PEAK1: variants seen among roughly 807,000 people sequenced by gnomAD.
PEAK1 encodes the protein pseudopodium enriched atypical kinase 1, also known as inactive tyrosine-protein kinase PEAK1.
PEAK1 carries 54 observed loss-of-function variants against 124.7 expected under a neutral mutation model. That is an observed-to-expected ratio of 0.43 (90% CI 0.35 to 0.54). PEAK1 has a LOEUF of 0.54. Ranked by LOEUF, PEAK1 falls within the 20% of genes least tolerant of loss-of-function variation. PEAK1 has a pLI of 0.01. For synonymous variants in PEAK1, 719 were observed against 760.0 expected (o/e 0.95, Z 0.89); for missense variants, 2,046 against 2,134.5 (o/e 0.96, Z 0.82).
rs1052268903 is a variant in PEAK1 at position 77,312,054 on chromosome 15, C to T, written c.-602-25550G>A. ...AAATTTATGACAGTCATAATTAGTG[C>T]AGGAGTAAAGGAAATAAAGAAAACG... is the stretch of plus-strand genomic sequence containing the variant. On this transcript the variant is annotated intron_variant, in intron 2 of 9. Transcript: ENST00000682557. Among the ~76,000 whole-genome samples, 3 of 151,834 alleles carry T rather than the reference C, an allele frequency of 2.0e-5. No individual in the cohort carries two copies. The East Asian group carries it at 5.8e-4, about 29-fold the overall frequency.
At chr15:77,307,340 T>C (rs562016053) in intron 2 of PEAK1, among the ~76,000 whole-genome samples, 105 of 152,230 alleles carry the variant, frequency 6.9e-4, no homozygotes, top group African/African-American at 2.5e-3. Flanking sequence ...TCTAAACTTC[T>C]AATGCTGACA....
chr15:77,330,249 G>A (rs1013514789), intron 2 of PEAK1, among the ~76,000 whole-genome samples: 1 of 152,074 alleles, frequency 6.6e-6, no homozygotes, highest in Non-Finnish European at 1.5e-5. Context: ...GGCTTTGTGG[G>A]CAAGAGTTGT....
intron 2 of PEAK1, among the ~76,000 whole-genome samples, chr15:77,344,424 A>G (rs2066745055): frequency 3.3e-5 from 5 of 152,138 alleles, no homozygotes; most frequent in Admixed American, 3.3e-4. Flanking sequence ...TGGTTTATAT[A>G]TCTGTCTTTA....
At chr15:77,329,776 T>C (rs1284413486) in intron 2 of PEAK1, among the ~76,000 whole-genome samples, 1 of 152,090 alleles carries the variant, frequency 6.6e-6, no homozygotes, top group East Asian at 1.9e-4. Context: ...TAAGAAAAAA[T>C]TGTTCCTTAT....
intron 1 of PEAK1, among the ~76,000 whole-genome samples, chr15:77,392,989 C>A (rs1211496199): frequency 1.3e-5 from 2 of 152,180 alleles, no homozygotes; most frequent in Non-Finnish European, 2.9e-5. Context: ...GCTTGTGGGA[C>A]TTTCCATTGG....
chr15:77,177,597 A>G (rs1298446929), intron 7 of PEAK1, among the ~76,000 whole-genome samples: 1 of 152,048 alleles, frequency 6.6e-6, no homozygotes, highest in African/African-American at 2.4e-5. Context: ...CTATGTTTGT[A>G]AGAAAGAAGG....
intron 2 of PEAK1, chr15:77,346,234 C>CAAT (rs1393444136): frequency 1.1e-6 from 1 of 923,204 alleles, no homozygotes; most frequent in African/African-American, 1.8e-5. Flanking sequence ...GCCACAGTTT[C>CAAT]AATGTCATCT....
chr15:77,345,791 C>T (rs1220567770), intron 2 of PEAK1: 1 of 517,432 alleles, frequency 1.9e-6, no homozygotes, highest in African/African-American at 2.1e-5. Context: ...TGATGGATAT[C>T]CCAATTACCC....
chr15:77,296,851 T>C (rs1255200200), intron 2 of PEAK1, among the ~76,000 whole-genome samples: 1 of 151,272 alleles, frequency 6.6e-6, no homozygotes. Context: ...GAAAGGGATA[T>C]AGGGAGAGAA....
intron 2 of PEAK1, among the ~76,000 whole-genome samples, chr15:77,303,038 T>A (rs1418249549): frequency 6.6e-6 from 1 of 152,198 alleles, no homozygotes; most frequent in African/African-American, 2.4e-5. Flanking sequence ...TTCAGGCTGA[T>A]CTCTCTAACT....
intron 1 of PEAK1, among the ~76,000 whole-genome samples, chr15:77,373,426 G>T (rs1010311760): frequency 2.0e-5 from 3 of 152,072 alleles, no homozygotes; most frequent in Admixed American, 2.0e-4. Context: ...CTCTCTACAG[G>T]CAATGACTGA....
chr15:77,379,293 GGAACCT>G (rs1380058132), intron 1 of PEAK1, among the ~76,000 whole-genome samples: 2 of 152,154 alleles, frequency 1.3e-5, no homozygotes, highest in Non-Finnish European at 2.9e-5. Flanking sequence ...CCTTCTAAGA[GGAACCT>G]GAATTAGCAT....
chr15:77,277,679 T>C (rs1191091333), intron 5 of PEAK1, among the ~76,000 whole-genome samples: 1 of 152,162 alleles, frequency 6.6e-6, no homozygotes, highest in East Asian at 1.9e-4. Context: ...TAAGTAAATA[T>C]TTTTGTTCTA....
At chr15:77,314,236 C>T (rs987425080) in intron 2 of PEAK1, among the ~76,000 whole-genome samples, 1 of 151,910 alleles carries the variant, frequency 6.6e-6, no homozygotes, top group African/African-American at 2.4e-5. Context: ...TTGAACCCTG[C>T]CACATTTAGT....
rs1016616006 is a variant in PEAK1, at chr15:77,198,447, G to A, written c.-114-16407C>T. On this transcript the variant is annotated intron_variant, in intron 6 of 9. Coordinates refer to ENST00000682557, the MANE Select transcript of PEAK1 (RefSeq NM_001385026.1). ...AGTTATGACACTTTAAGAAAAAGCT[G>A]AATTGCTTGTTATGTACTGTAGTTT... Among the ~76,000 whole-genome samples, 10 of 152,130 alleles carry A rather than the reference G, an allele frequency of 6.6e-5. No homozygotes were observed. In the East Asian group the frequency reaches 1.7e-3, roughly 26 times the overall value.
At chr15:77,134,677 T>C (rs1008397509) in intron 8 of PEAK1, among the ~76,000 whole-genome samples, 34 of 152,142 alleles carry the variant, frequency 2.2e-4, no homozygotes, top group African/African-American at 7.2e-4. Context: ...GACAGAAAAA[T>C]ATACATGAAA....
At chr15:77,345,279 G>A (rs75243727) in intron 2 of PEAK1, among the ~76,000 whole-genome samples, 2,862 of 152,132 alleles carry the variant, frequency 0.019, 224 homozygotes, top group East Asian at 0.17. Context: ...GGTTTTTTCC[G>A]CATCTATTGA....
chr15:77,396,395 T>G (rs1437469827), intron 1 of PEAK1, among the ~76,000 whole-genome samples: 1 of 151,874 alleles, frequency 6.6e-6, no homozygotes, highest in Non-Finnish European at 1.5e-5. Flanking sequence ...AATAAAAATA[T>G]GGTAGAAGTA....
chr15:77,409,718 T>C (rs2072237924), intron 1 of PEAK1, among the ~76,000 whole-genome samples: 2 of 152,218 alleles, frequency 1.3e-5, no homozygotes, highest in South Asian at 4.1e-4. Context: ...ACACTCAGCA[T>C]ATGCAATTTT....
Sources: gnomAD v4.1 joint callset for allele counts (sites outside exome capture counted in the v4.1 genomes callset) on GRCh38, gnomAD v4.1.1 for gene constraint, MANE v1.5 for transcripts, NCBI Gene and HGNC (gene_info 2026-07-23, HGNC 2026-07-21) for gene names.